CLOCK: variants seen among roughly 807,000 people sequenced by gnomAD.
CLOCK encodes clock circadian regulator.
A neutral mutation model predicts 118.4 loss-of-function variants in CLOCK; 43 were observed. The observed-to-expected ratio is 0.36, with a 90% CI of 0.28 to 0.47. The LOEUF (loss-of-function observed/expected upper bound fraction) is 0.47. Ranked by LOEUF, CLOCK falls within the 20% of genes least tolerant of loss-of-function variation. The probability of loss-of-function intolerance (pLI) is 1.00; values close to 1 mark genes in which losing one functional copy is unlikely to be tolerated. For missense variants in CLOCK, 846 were observed against 999.9 expected, an observed-to-expected ratio of 0.85 and a Z score of 2.08; for synonymous variants, 326 against 339.2, an observed-to-expected ratio of 0.96 and a Z score of 0.43.
chr4:55,453,141 A>C lies in CLOCK; in HGVS notation c.1131-12T>G. The C allele has an allele frequency of 6.2e-7, 1 of 1,607,592 alleles. No individual in the cohort carries two copies. Among genetic ancestry groups the C allele is most frequent in the East Asian group, 2.2e-5 (1 of 44,724 alleles). On this transcript the variant is annotated splice_polypyrimidine_tract_variant and intron_variant, in intron 14 of 22. Transcript: ENST00000513440. Reference sequence around the variant, plus strand: ...TAACTTCTGCATAACTACAAATGGAAAAAATAATCAAATTTTAGTGTCTGG... The same window carrying C: ...TAACTTCTGCATAACTACAAATGGACAAAATAATCAAATTTTAGTGTCTGG...
At chr4:55,513,173 A>G (rs1188907683) in intron 1 of CLOCK, among the ~76,000 whole-genome samples, 3 of 152,128 alleles carry the variant, frequency 2.0e-5, no homozygotes, top group African/African-American at 7.2e-5. Context: ...CTCTATATAA[A>G]GTATACCATC....
At chr4:55,534,677 G>C (rs144707199) in intron 1 of CLOCK, among the ~76,000 whole-genome samples, 333 of 152,234 alleles carry the variant, frequency 2.2e-3, no homozygotes, top group Non-Finnish European at 4.0e-3. Flanking sequence ...CCAGCAGACA[G>C]AATAGTAGCT....
rs2109610819 is a variant in CLOCK at position 55,433,649 on chromosome 4, A to G, written c.*1766T>C. ...TCTCCTCCCTTTCCTCAGTAATAACATTTTTTATATTCTAATAATGTATTT... is the reference window on the plus strand; with the variant it reads ...TCTCCTCCCTTTCCTCAGTAATAACGTTTTTTATATTCTAATAATGTATTT... On this transcript the variant is annotated 3_prime_UTR_variant, in exon 23 of 23. Transcript: ENST00000513440. 6.6e-6 allele frequency: 1 copy of G among 152,218 alleles called. No homozygotes were observed. Among genetic ancestry groups the G allele is most frequent in the South Asian group, 2.1e-4 (1 of 4,830 alleles). 9.4% of individuals were successfully genotyped at this position (152,218 alleles called of 1,614,324 possible). A position where few individuals can be genotyped will look rare whatever the true frequency, so the allele number is the denominator to read the frequency against.
rs1023558853 is a variant in CLOCK, at chr4:55,429,698, C to T, written c.*5717G>A. On this transcript the variant is annotated 3_prime_UTR_variant, in exon 23 of 23. Transcript: ENST00000513440. The stretch of plus-strand genomic sequence containing the variant: ...AGGCATCATGTGCCATTGGTTCTGT[C>T]ATACTGGCCTTTGACTGTGTTGGGG... 6.6e-6 allele frequency: 1 copy of T among 152,236 alleles called. No homozygotes were observed. Among genetic ancestry groups the T allele is most frequent in the African/African-American group, 2.4e-5 (1 of 41,464 alleles). 9.4% of individuals were successfully genotyped at this position (152,236 alleles called of 1,614,324 possible).
chr4:55,519,962 ACAGGGATC>A (rs1401374399), intron 1 of CLOCK, among the ~76,000 whole-genome samples: 2 of 151,602 alleles, frequency 1.3e-5, no homozygotes, highest in African/African-American at 2.4e-5. Context: ...ATTCTGAAGT[ACAGGGATC>A]CACTCTTTCC....
chr4:55,452,269 C>T (rs1322664389), intron 15 of CLOCK: 3 of 152,202 alleles, frequency 2.0e-5, no homozygotes, highest in Admixed American at 1.3e-4. Flanking sequence ...ATCTTGCATG[C>T]TTGCTCTGAT....
intron 1 of CLOCK, among the ~76,000 whole-genome samples, chr4:55,536,337 T>G (rs890226916): frequency 2.6e-5 from 4 of 152,204 alleles, no homozygotes; most frequent in African/African-American, 9.7e-5. Flanking sequence ...GGTTGGATGC[T>G]TGTCCCCTCC....
Position 55,489,357 on chromosome 4 carries a change from G to T in CLOCK, c.-44+17C>A, listed in dbSNP as rs560684145. ...AATATCATTTTACGATGCATTCTAA[G>T]ATGCACCTTTCTTTACCTTTTGTAC... On this transcript the variant is annotated intron_variant, in intron 3 of 22. Coordinates refer to ENST00000513440, the MANE Select transcript of CLOCK (RefSeq NM_004898.4). The T allele has an allele frequency of 8.7e-4, 132 of 152,204 alleles. No homozygotes were observed. Among genetic ancestry groups the T allele is most frequent in the African/African-American group, 3.1e-3 (128 of 41,536 alleles). 9.4% of individuals were successfully genotyped at this position (152,204 alleles called of 1,614,324 possible).
rs1722439992 is a variant in CLOCK at position 55,430,706 on chromosome 4, C to T, written c.*4709G>A. The T allele has an allele frequency of 6.6e-6, 1 of 152,120 alleles. No homozygotes were observed. The highest frequency in any genetic ancestry group is 2.1e-4 in the South Asian group (1 of 4,834). The allele number at this position is 152,120 out of a possible 1,614,324, so 9.4% of individuals were successfully genotyped here. The stretch of plus-strand genomic sequence containing the variant: ...CACATTTAAAACACTCAGAATAATT[C>T]TTGAAATTATTATATTCTAAAATGT... On this transcript the variant is annotated 3_prime_UTR_variant, in exon 23 of 23. Coordinates refer to ENST00000513440, the MANE Select transcript of CLOCK (RefSeq NM_004898.4).
intron 1 of CLOCK, among the ~76,000 whole-genome samples, chr4:55,530,774 C>CAAAA (rs60810379): frequency 0.02 from 654 of 33,004 alleles, 55 homozygotes; most frequent in Non-Finnish European, 0.029. Flanking sequence ...GACTCCATCG[C>CAAAA]AAAAAAAAAA....
rs777468917 is a variant in CLOCK, at chr4:55,435,410, G to A, written c.*5C>T. On this transcript the variant is annotated 3_prime_UTR_variant, in exon 23 of 23. Coordinates refer to ENST00000513440, the MANE Select transcript of CLOCK (RefSeq NM_004898.4). Reference sequence around the variant, plus strand: ...CCCTTGATGTCAAGAGAGGAAGCACGTGTGCTACTGTGGTTGAACCTTGGA... The same window carrying A: ...CCCTTGATGTCAAGAGAGGAAGCACATGTGCTACTGTGGTTGAACCTTGGA... The A allele has an allele frequency of 2.3e-5, 37 of 1,613,722 alleles. No individual in the cohort carries two copies. The highest frequency in any genetic ancestry group is 1.2e-4 in the African/African-American group (9 of 74,910).
intron 15 of CLOCK, among the ~76,000 whole-genome samples, chr4:55,450,953 G>A (rs1248756797): frequency 3.3e-5 from 5 of 151,576 alleles, no homozygotes; most frequent in African/African-American, 7.3e-5. Flanking sequence ...TTCATACAGC[G>A]ACACTAATCT....
rs184182967 is a variant in CLOCK, at chr4:55,482,777, A to G, written c.9T>C (p.Phe3=). 8.1e-6 allele frequency: 13 copies of G among 1,610,004 alleles called. No individual in the cohort carries two copies. The Admixed American group carries it at 2.2e-4, about 27-fold the overall frequency. Residue 3 remains phenylalanine, a synonymous_variant, in exon 4 of 23, where the codon TTT becomes TTC. Coordinates refer to ENST00000513440, the MANE Select transcript of CLOCK (RefSeq NM_004898.4). ML[F]TVSCSKMSSI... is the part of the protein sequence containing the mutation. ...AGCTCATTTTACTACAGCTTACGGT[A>G]AACAACATAACATACTACGTTTTCG...
At position 55,444,738 on chromosome 4, in the gene CLOCK, T is replaced by C. The variant is rs765234776; in HGVS notation, c.1587A>G (p.Gln529=). 3.1e-5 allele frequency: 50 copies of C among 1,614,150 alleles called. No individual in the cohort carries two copies. Among genetic ancestry groups the C allele is most frequent in the Middle Eastern group, 3.3e-4 (2 of 6,062 alleles). ...QLGAMQHLKD[Q]LEQRTRMIEA... ...CTATCATGCGTGTCCGTTGTTCCAA[T>C]TGGTCTTTCAGATGTTGCATGGCTC... is the stretch of plus-strand genomic sequence containing the variant. The change falls in exon 19 of 23, where the codon CAA becomes CAG. Residue 529 remains glutamine (Q), a synonymous_variant. Coordinates refer to ENST00000513440, the MANE Select transcript of CLOCK (RefSeq NM_004898.4).
intron 14 of CLOCK, 51 bp downstream of exon 14, chr4:55,453,626 A>C (rs1724669899): frequency 1.9e-6 from 3 of 1,548,986 alleles, no homozygotes; most frequent in Non-Finnish European, 2.7e-6. Flanking sequence ...CAATGCCAAA[A>C]TCATCATAGG....
chr4:55,515,793 C>T (rs1285996579), intron 1 of CLOCK, among the ~76,000 whole-genome samples: 1 of 152,156 alleles, frequency 6.6e-6, no homozygotes. Context: ...TTACTCTTTT[C>T]TATGTATTCC....
At position 55,433,406 on chromosome 4, in the gene CLOCK, T is replaced by C. The variant is rs890241434; in HGVS notation, c.*2009A>G. The C allele has an allele frequency of 6.6e-5, 10 of 152,596 alleles. No homozygotes were observed. Among genetic ancestry groups the C allele is most frequent in the African/African-American group, 2.4e-4 (10 of 41,464 alleles). The allele number at this position is 152,596 out of a possible 1,614,324, so 9.5% of individuals were successfully genotyped here. ...AATGTTCAAAGTAATTGTAGCCAGGTAGAATTTTCTGCAGAAAGACAAAGT... is the reference window on the plus strand; with the variant it reads ...AATGTTCAAAGTAATTGTAGCCAGGCAGAATTTTCTGCAGAAAGACAAAGT... On this transcript the variant is annotated 3_prime_UTR_variant, in exon 23 of 23. Coordinates refer to ENST00000513440, the MANE Select transcript of CLOCK (RefSeq NM_004898.4).
chr4:55,437,982 G>A (rs28612751), intron 22 of CLOCK, among the ~76,000 whole-genome samples: 2 of 152,204 alleles, frequency 1.3e-5, no homozygotes, highest in African/African-American at 4.8e-5. Flanking sequence ...GCTTGCTTAA[G>A]TTCCAGAAAC....
At chr4:55,444,872 ACATGAGTG>A in intron 18 of CLOCK, 87 bp from the exon 19 acceptor site, 1 of 1,343,054 alleles carries the variant, frequency 7.4e-7, no homozygotes, top group Non-Finnish European at 1.0e-6. Flanking sequence ...AAGCAGTATA[ACATGAGTG>A]AAGGATGATA....
Sources: gnomAD v4.1 joint callset for allele counts (sites outside exome capture counted in the v4.1 genomes callset) on GRCh38, gnomAD v4.1.1 for gene constraint, MANE v1.5 for transcripts, NCBI Gene and HGNC (gene_info 2026-07-23, HGNC 2026-07-21) for gene names.